The following NPAS3 variants were observed in gnomAD, a reference collection of about 807,000 sequenced individuals.
NPAS3 encodes the protein neuronal PAS domain-containing protein 3.
A neutral mutation model predicts 73.1 loss-of-function variants in NPAS3; 14 were observed. The observed-to-expected ratio is 0.19, with a 90% CI of 0.13 to 0.30. NPAS3 has a LOEUF of 0.30. Among genes scored for constraint, NPAS3 ranks in the 10% least tolerant of loss-of-function variants. The pLI, the probability that NPAS3 is intolerant of heterozygous loss-of-function variation, is 1.00. For synonymous variants in NPAS3, 620 were observed against 541.5 expected (o/e 1.14, Z -2.01); for missense variants, 1,096 against 1,250.0 (o/e 0.88, Z 1.86).
intron 3 of NPAS3, among the ~76,000 whole-genome samples, chr14:33,325,730 T>A (rs117658487): frequency 6.8e-5 from 10 of 147,114 alleles, no homozygotes; most frequent in Non-Finnish European, 1.4e-4. Context: ...TCATTCTATC[T>A]GGGTTTTTTT....
At chr14:33,574,165 C>A (rs1476796029) in intron 5 of NPAS3, among the ~76,000 whole-genome samples, 1 of 152,102 alleles carries the variant, frequency 6.6e-6, no homozygotes, top group Non-Finnish European at 1.5e-5. Context: ...CAAGAACAAC[C>A]TGCAGTTTCA....
intron 4 of NPAS3, among the ~76,000 whole-genome samples, chr14:33,485,060 C>A (rs1238238747): frequency 6.6e-6 from 1 of 152,082 alleles, no homozygotes; most frequent in Non-Finnish European, 1.5e-5. Flanking sequence ...GTAAATAGTA[C>A]CTTTGGAGAG....
At chr14:33,271,447 GTT>G (rs1566744453) in intron 3 of NPAS3, among the ~76,000 whole-genome samples, 6 of 142,980 alleles carry the variant, frequency 4.2e-5, no homozygotes, top group Admixed American at 2.1e-4. Context: ...GTGGCTAGCT[GTT>G]GGGGAGAAGG....
chr14:33,791,428 A>G (rs1420832573), intron 9 of NPAS3, among the ~76,000 whole-genome samples: 1 of 152,072 alleles, frequency 6.6e-6, no homozygotes, highest in African/African-American at 2.4e-5. Context: ...GCCCTAACAA[A>G]CGAGTGCTGG....
At chr14:33,666,986 AT>A (rs1457791965) in intron 5 of NPAS3, among the ~76,000 whole-genome samples, 3 of 152,192 alleles carry the variant, frequency 2.0e-5, no homozygotes, top group African/African-American at 7.2e-5. Flanking sequence ...CACATGAGTA[AT>A]TTTAAATTTT....
intron 3 of NPAS3, among the ~76,000 whole-genome samples, chr14:33,258,163 G>C (rs2048845218): frequency 6.6e-6 from 1 of 152,272 alleles, no homozygotes; most frequent in East Asian, 1.9e-4. Context: ...TTGGCAGGCC[G>C]AGGTGGGCAA....
intron 3 of NPAS3, among the ~76,000 whole-genome samples, chr14:33,316,781 T>C (rs1436484086): frequency 6.6e-6 from 1 of 152,080 alleles, no homozygotes; most frequent in Non-Finnish European, 1.5e-5. Flanking sequence ...GCCAGTTGTG[T>C]GCTCTCCAAT....
intron 6 of NPAS3, among the ~76,000 whole-genome samples, chr14:33,695,835 T>C (rs2060361729): frequency 6.6e-6 from 1 of 152,174 alleles, no homozygotes; most frequent in African/African-American, 2.4e-5. Flanking sequence ...CCTAAAACTT[T>C]AGCTGATCAT....
chr14:33,218,284 A>G (rs1368323329), intron 3 of NPAS3, among the ~76,000 whole-genome samples: 1 of 152,186 alleles, frequency 6.6e-6, no homozygotes, highest in Admixed American at 6.5e-5. Flanking sequence ...AATAATGAAG[A>G]TGTAAACATA....
intron 4 of NPAS3, among the ~76,000 whole-genome samples, chr14:33,444,942 C>T (rs531521590): frequency 1.6e-4 from 25 of 152,342 alleles, no homozygotes; most frequent in Admixed American, 3.9e-4. Context: ...TATCTGCTTT[C>T]GGAAATCATC....
chr14:33,495,190 G>A (rs1261184251), intron 4 of NPAS3, among the ~76,000 whole-genome samples: 1 of 151,958 alleles, frequency 6.6e-6, no homozygotes, highest in Non-Finnish European at 1.5e-5. Flanking sequence ...TGTTCTCACT[G>A]GTTTCAAAGA....
chr14:33,226,542 T>TA (rs1447603470), intron 3 of NPAS3, among the ~76,000 whole-genome samples: 2 of 152,186 alleles, frequency 1.3e-5, no homozygotes, highest in Admixed American at 1.3e-4. Flanking sequence ...AACCAATGTC[T>TA]ATATAAAATG....
At chr14:33,658,228 GGA>G (rs1281852241) in intron 5 of NPAS3, among the ~76,000 whole-genome samples, 1 of 152,202 alleles carries the variant, frequency 6.6e-6, no homozygotes, top group Non-Finnish European at 1.5e-5. Context: ...GTTAAAAACT[GGA>G]GAGACAGAAA....
Position 33,735,347 on chromosome 14 carries a change from G to T in NPAS3, c.852+15G>T. 1 of 1,573,138 alleles carries T rather than the reference G, an allele frequency of 6.4e-7. No homozygotes were observed. The highest frequency in any genetic ancestry group is 8.8e-7 in the Non-Finnish European group (1 of 1,142,822). On this transcript the variant is annotated intron_variant, in intron 7 of 11. Coordinates refer to ENST00000356141, the Ensembl canonical transcript of NPAS3. ...CAGGATATAAGGTAAGCCGGTTCCGGGAGGGGAGACATTGCTGTCTCAGGC... is the reference window on the plus strand; with the variant it reads ...CAGGATATAAGGTAAGCCGGTTCCGTGAGGGGAGACATTGCTGTCTCAGGC...
intron 1 of NPAS3, among the ~76,000 whole-genome samples, chr14:32,940,043 C>T (rs991313052): frequency 2.0e-5 from 3 of 152,216 alleles, no homozygotes; most frequent in Non-Finnish European, 2.9e-5. Flanking sequence ...TCATCTTCCC[C>T]TCCTCTCCAT....
chr14:33,779,169 T>C (rs1300798315), intron 9 of NPAS3, among the ~76,000 whole-genome samples: 1 of 152,190 alleles, frequency 6.6e-6, no homozygotes, highest in African/African-American at 2.4e-5. Context: ...GAAACTTATC[T>C]CAGCTCTTTG....
At chr14:33,081,528 T>C (rs1261765702) in intron 2 of NPAS3, among the ~76,000 whole-genome samples, 1 of 152,222 alleles carries the variant, frequency 6.6e-6, no homozygotes, top group Non-Finnish European at 1.5e-5. Flanking sequence ...TTTGTGTAAA[T>C]AGAGACTTCT....
intron 3 of NPAS3, among the ~76,000 whole-genome samples, chr14:33,274,388 G>A (rs1456468334): frequency 1.3e-5 from 2 of 152,122 alleles, no homozygotes; most frequent in African/African-American, 2.4e-5. Context: ...TCTTTTCCTA[G>A]CCTGTATCTC....
intron 3 of NPAS3, among the ~76,000 whole-genome samples, chr14:33,276,201 G>A (rs1049012830): frequency 6.6e-6 from 1 of 152,048 alleles, no homozygotes; most frequent in Non-Finnish European, 1.5e-5. Flanking sequence ...AAAGAGCTAT[G>A]GATATACTAT....
Sources: gnomAD v4.1 joint callset for allele counts (sites outside exome capture counted in the v4.1 genomes callset) on GRCh38, gnomAD v4.1.1 for gene constraint, MANE v1.5 for transcripts, NCBI Gene and HGNC (gene_info 2026-07-23, HGNC 2026-07-21) for gene names.